The following DIAPH2 variants were observed in gnomAD, a reference collection of about 807,000 sequenced individuals.
The protein encoded by DIAPH2 is protein diaphanous homolog 2.
In DIAPH2, 35 loss-of-function variants were observed where a neutral mutation model predicts 92.7. The observed-to-expected ratio is 0.38, with a 90% CI of 0.29 to 0.50. DIAPH2 has a LOEUF of 0.50. Ranked by LOEUF, DIAPH2 falls within the 20% of genes least tolerant of loss-of-function variation. The pLI is 0.94. For synonymous variants in DIAPH2, 301 were observed against 280.4 expected, an observed-to-expected ratio of 1.07 and a Z score of -0.73; for missense variants, 701 against 819.5, an observed-to-expected ratio of 0.86 and a Z score of 1.77.
intron 9 of DIAPH2, among the ~76,000 whole-genome samples, chrX:96,922,248 A>C (rs2147787406): frequency 9.0e-6 from 1 of 111,131 alleles, no homozygotes; most frequent in South Asian, 3.8e-4. Flanking sequence ...CTCCTTTTAT[A>C]TTAAAACTTA....
At chrX:97,569,191 G>A (rs1324506099) in intron 26 of DIAPH2, among the ~76,000 whole-genome samples, 2 of 111,913 alleles carry the variant, frequency 1.8e-5, no homozygotes, top group Non-Finnish European at 3.8e-5. Flanking sequence ...GACAAAGATT[G>A]ACAAAAGCAA....
At chrX:97,007,764 T>TC (rs2066193486) in intron 17 of DIAPH2, among the ~76,000 whole-genome samples, 1 of 94,949 alleles carries the variant, frequency 1.1e-5, no homozygotes, top group East Asian at 3.2e-4. Flanking sequence ...TTTTTTTCTT[T>TC]TTTTTTTTTT....
chrX:97,179,665 A>C (rs1244312224), intron 22 of DIAPH2, among the ~76,000 whole-genome samples: 1 of 112,101 alleles, frequency 8.9e-6, no homozygotes, highest in African/African-American at 3.2e-5. Flanking sequence ...GTGCTGCAGT[A>C]AACATATGTG....
At chrX:97,584,921 G>C (rs775523260) in intron 26 of DIAPH2, among the ~76,000 whole-genome samples, 3 of 112,500 alleles carry the variant, frequency 2.7e-5, no homozygotes, top group Non-Finnish European at 5.6e-5. Flanking sequence ...TGACTGTTAT[G>C]TCACAGTTCT....
intron 4 of DIAPH2, among the ~76,000 whole-genome samples, chrX:96,825,565 CT>C (rs900402902): frequency 6.3e-5 from 7 of 110,433 alleles, no homozygotes; most frequent in Non-Finnish European, 1.1e-4. Flanking sequence ...CTGTAATAAT[CT>C]TTTTTTCCTT....
At chrX:97,327,821 C>T (rs1357318596) in intron 23 of DIAPH2, among the ~76,000 whole-genome samples, 2 of 112,175 alleles carry the variant, frequency 1.8e-5, no homozygotes, top group East Asian at 2.8e-4. Context: ...GATGATCTGC[C>T]CGTTTCTGCC....
intron 25 of DIAPH2, among the ~76,000 whole-genome samples, chrX:97,386,075 G>T (rs913871366): frequency 8.9e-5 from 10 of 112,043 alleles, no homozygotes; most frequent in African/African-American, 3.2e-4. Context: ...TATCCGTACT[G>T]TTAAGTTTAG....
At chrX:97,351,247 A>G (rs1016099624) in intron 24 of DIAPH2, among the ~76,000 whole-genome samples, 7 of 112,329 alleles carry the variant, frequency 6.2e-5, no homozygotes, top group African/African-American at 1.6e-4. Context: ...ATCTGAAAAG[A>G]CCTTGAAACC....
At position 96,888,468 on chromosome X, in the gene DIAPH2, T is replaced by A. The variant is rs187778436; in HGVS notation, c.587+6750T>A. Reference sequence around the variant, plus strand: ...AAAAATTATGTGTGATATGTGTTTTTTATATATATATATAACACAGATATA... The same window carrying A: ...AAAAATTATGTGTGATATGTGTTTTATATATATATATATAACACAGATATA... On this transcript the variant is annotated intron_variant, in intron 5 of 26. Coordinates refer to ENST00000324765, the MANE Select transcript of DIAPH2 (RefSeq NM_006729.5). Among the ~76,000 whole-genome samples the A allele has an allele frequency of 6.9e-4, 72 of 104,192 alleles. No individual in the cohort carries two copies. The South Asian group carries it at 0.015, about 22-fold the overall frequency. The allele number at this position is 104,192 out of a possible 115,157, so 90.5% of individuals were successfully genotyped here. A position where few individuals can be genotyped will look rare whatever the true frequency, so the allele number is the denominator to read the frequency against.
rs1431793025 is a variant in DIAPH2, at chrX:96,912,520, A to G, written c.700A>G (p.Ile234Val). 2 of 1,197,119 alleles carry G rather than the reference A, an allele frequency of 1.7e-6. No individual in the cohort carries two copies. The highest frequency in any genetic ancestry group is 2.2e-6 in the Non-Finnish European group (2 of 889,219). ...NIDKKNQYKL[I>V]QCLKAFMNNK... ...TGACAAGAAGAATCAGTATAAACTT[A>G]TTCAATGCCTCAAAGCATTTATGAA... The change falls in exon 7 of 27, where the codon ATT (isoleucine) becomes GTT (valine). Residue 234 changes from isoleucine (I) to valine (V), a missense_variant. Physicochemically the swap from Ile to Val is conservative, Grantham distance 29. Transcript: ENST00000324765.
chrX:97,201,550 A>G (rs2089439551), intron 22 of DIAPH2, among the ~76,000 whole-genome samples: 1 of 107,841 alleles, frequency 9.3e-6, no homozygotes, highest in Non-Finnish European at 1.9e-5. Flanking sequence ...GAATCGATCA[A>G]GCAGAAGAAA....
chrX:96,834,075 G>A (rs1024878890), intron 4 of DIAPH2, among the ~76,000 whole-genome samples: 10 of 111,717 alleles, frequency 9.0e-5, no homozygotes, highest in African/African-American at 2.6e-4. Context: ...TAGACACCTA[G>A]TATGTCAAGG....
chrX:96,925,274 A>C (rs1213362729), intron 9 of DIAPH2, among the ~76,000 whole-genome samples: 4 of 110,353 alleles, frequency 3.6e-5, no homozygotes, highest in Non-Finnish European at 7.6e-5. Flanking sequence ...TCCCTACTCT[A>C]ATCCTCTCTC....
intron 19 of DIAPH2, among the ~76,000 whole-genome samples, chrX:97,099,274 G>A (rs1010603743): frequency 1.8e-5 from 2 of 110,430 alleles, no homozygotes; most frequent in African/African-American, 6.6e-5. Flanking sequence ...GCTGAGGCAG[G>A]AGAATGGCAT....
At chrX:97,312,087 C>A (rs893871479) in intron 23 of DIAPH2, among the ~76,000 whole-genome samples, 1 of 110,966 alleles carries the variant, frequency 9.0e-6, no homozygotes, top group African/African-American at 3.3e-5. Flanking sequence ...CTCAGCCTCC[C>A]AAGGTGCTGG....
chrX:97,250,189 C>T lies in DIAPH2; in HGVS notation c.2844+2350C>T, dbSNP rs17281899. On this transcript the variant is annotated intron_variant, in intron 23 of 26. Coordinates refer to ENST00000324765, the MANE Select transcript of DIAPH2 (RefSeq NM_006729.5). ...TAGATGATCTTTCCAATATTTCCAT[C>T]CAGTGCCAATAAATTGTTTTGCTTC... Among the ~76,000 whole-genome samples, 1,198 of 111,730 alleles carry T rather than the reference C, an allele frequency of 0.011. 45 individuals carry two copies. In the East Asian group the frequency reaches 0.12, roughly 11 times the overall value.
intron 23 of DIAPH2, among the ~76,000 whole-genome samples, chrX:97,317,819 A>C (rs2068852437): frequency 9.0e-6 from 1 of 111,684 alleles, no homozygotes; most frequent in Non-Finnish European, 1.9e-5. Context: ...CCGTAACTTG[A>C]TTAGAGATTT....
intron 4 of DIAPH2, among the ~76,000 whole-genome samples, chrX:96,836,203 C>G (rs912751439): frequency 3.7e-5 from 4 of 109,439 alleles, no homozygotes; most frequent in Admixed American, 9.8e-5. Flanking sequence ...ACCCCTCATC[C>G]CCCTCCCACC....
chrX:97,358,084 G>C (rs1368279741), intron 24 of DIAPH2, among the ~76,000 whole-genome samples: 1 of 112,055 alleles, frequency 8.9e-6, no homozygotes, highest in East Asian at 2.8e-4. Context: ...GCAGTTACCA[G>C]CTAATTATGA....
Sources: gnomAD v4.1 joint callset for allele counts (sites outside exome capture counted in the v4.1 genomes callset) on GRCh38, gnomAD v4.1.1 for gene constraint, MANE v1.5 for transcripts, NCBI Gene and HGNC (gene_info 2026-07-23, HGNC 2026-07-21) for gene names.